FER: variants seen among roughly 807,000 people sequenced by gnomAD.
The protein encoded by FER is tyrosine-protein kinase Fer.
FER carries 63 observed loss-of-function variants against 111.0 expected under a neutral mutation model. The observed-to-expected ratio is 0.57, with a 90% CI of 0.46 to 0.70. The LOEUF (loss-of-function observed/expected upper bound fraction) is 0.70. Ranked by LOEUF, FER falls within the 30% of genes least tolerant of loss-of-function variation. FER has a pLI of 0.00. For synonymous variants in FER, 327 were observed against 313.9 expected, an observed-to-expected ratio of 1.04 and a Z score of -0.44; for missense variants, 914 against 954.0, an observed-to-expected ratio of 0.96 and a Z score of 0.55.
chr5:108,813,032 C>A (rs113452906), intron 3 of FER, among the ~76,000 whole-genome samples: 83 of 152,036 alleles, frequency 5.5e-4, no homozygotes, highest in African/African-American at 1.5e-3. Context: ...TATGTAGATT[C>A]AGGTTTCTAG....
At chr5:108,872,337 A>T (rs1764680531) in intron 8 of FER, 125 bp downstream of exon 8, 1 of 827,282 alleles carries the variant, frequency 1.2e-6, no homozygotes, top group Non-Finnish European at 1.8e-6. Context: ...GGTCAGAGTG[A>T]CATGTTTTGA....
intron 17 of FER, among the ~76,000 whole-genome samples, chr5:109,101,522 C>A (rs182449100): frequency 7.3e-4 from 111 of 152,120 alleles, no homozygotes; most frequent in Non-Finnish European, 1.4e-3. Flanking sequence ...TCCCCATGCT[C>A]ACCCCAAATT....
At position 108,845,055 on chromosome 5, in the gene FER, T is replaced by TAC. The variant is rs1561503469; in HGVS notation, c.481+9249_481+9250insCA. On this transcript the variant is annotated intron_variant, in intron 5 of 19. Coordinates refer to ENST00000281092, the MANE Select transcript of FER (RefSeq NM_005246.4). ...ATATATATATACATATATATATATA[T>TAC]ATATATATATATACACACACACACA... 5.4e-3 allele frequency among the ~76,000 whole-genome samples: 287 copies of TAC among 53,452 alleles called. 3 individuals are homozygous for TAC. Among genetic ancestry groups the TAC allele is most frequent in the African/African-American group, 0.023 (275 of 11,706 alleles). 35.1% of individuals were successfully genotyped at this position (53,452 alleles called of 152,430 possible).
At chr5:108,981,214 CTG>C (rs1420396583) in intron 13 of FER, among the ~76,000 whole-genome samples, 2 of 151,488 alleles carry the variant, frequency 1.3e-5, no homozygotes, top group African/African-American at 2.4e-5. Context: ...TGTTTAATGA[CTG>C]TAGTATTTAA....
At chr5:108,756,735 G>T (rs1438016555) in intron 1 of FER, among the ~76,000 whole-genome samples, 1 of 152,076 alleles carries the variant, frequency 6.6e-6, no homozygotes, top group Non-Finnish European at 1.5e-5. Flanking sequence ...ATATACAATA[G>T]AAAATTTTAC....
At chr5:108,938,070 A>G (rs892949012) in intron 10 of FER, among the ~76,000 whole-genome samples, 1 of 143,592 alleles carries the variant, frequency 7.0e-6, no homozygotes, top group African/African-American at 2.5e-5. Context: ...ACACACACAC[A>G]CGTAAAAACT....
At chr5:108,923,749 G>T (rs7736915) in intron 10 of FER, among the ~76,000 whole-genome samples, 2 of 151,920 alleles carry the variant, frequency 1.3e-5, no homozygotes, top group African/African-American at 4.8e-5. Context: ...AAGTGTAGTA[G>T]GTTTTTGTGG....
intron 10 of FER, among the ~76,000 whole-genome samples, chr5:108,931,799 C>T (rs571782345): frequency 6.6e-5 from 10 of 152,020 alleles, no homozygotes; most frequent in African/African-American, 2.4e-4. Flanking sequence ...CATTGCACTC[C>T]ACCCTAGGCG....
intron 5 of FER, among the ~76,000 whole-genome samples, chr5:108,858,785 T>TC (rs1486352593): frequency 7.2e-6 from 1 of 139,554 alleles, no homozygotes; most frequent in Non-Finnish European, 1.5e-5. Flanking sequence ...TTTTTTTTTT[T>TC]CTGTCCTCAC....
At chr5:108,776,522 A>G (rs1753509354) in intron 2 of FER, among the ~76,000 whole-genome samples, 1 of 152,182 alleles carries the variant, frequency 6.6e-6, no homozygotes, top group Non-Finnish European at 1.5e-5. Context: ...GAAAAACAGG[A>G]GACATTTTAT....
At chr5:108,767,509 C>T (rs543378317) in intron 1 of FER, among the ~76,000 whole-genome samples, 1 of 152,234 alleles carries the variant, frequency 6.6e-6, no homozygotes, top group Middle Eastern at 3.4e-3. Context: ...GTTTTTGAGA[C>T]AGTCTTGCTC....
At chr5:108,848,267 T>A (rs1762218996) in intron 5 of FER, among the ~76,000 whole-genome samples, 2 of 152,214 alleles carry the variant, frequency 1.3e-5, no homozygotes, top group Admixed American at 1.3e-4. Flanking sequence ...TTATCTCTTT[T>A]GTTTCTTGAT....
intron 17 of FER, among the ~76,000 whole-genome samples, chr5:109,163,188 C>CT (rs1232568662): frequency 6.6e-6 from 1 of 152,004 alleles, no homozygotes; most frequent in East Asian, 1.9e-4. Flanking sequence ...ACTTATAATG[C>CT]TTTTCAGATC....
intron 3 of FER, among the ~76,000 whole-genome samples, chr5:108,819,615 G>A (rs902065692): frequency 5.3e-5 from 8 of 152,130 alleles, no homozygotes; most frequent in African/African-American, 1.9e-4. Flanking sequence ...AATAAGTGAA[G>A]CCCCAGTATG....
intron 3 of FER, among the ~76,000 whole-genome samples, chr5:108,819,333 G>C (rs555628380): frequency 4.9e-4 from 74 of 152,136 alleles, no homozygotes; most frequent in Non-Finnish European, 8.7e-4. Flanking sequence ...TGGCTAGGTA[G>C]TTATTCTTAA....
chr5:109,041,424 A>C (rs182967664), intron 14 of FER, among the ~76,000 whole-genome samples: 421 of 152,064 alleles, frequency 2.8e-3, no homozygotes, highest in African/African-American at 9.8e-3. Flanking sequence ...GTTCCTATAA[A>C]GTCAAAGGAC....
chr5:108,819,938 TTG>T, intron 3 of FER: 1 of 985,262 alleles, frequency 1.0e-6, no homozygotes, highest in Non-Finnish European at 1.2e-6. Context: ...AGAGAGGACT[TTG>T]TTTTTTAAAA....
chr5:109,114,373 T>C (rs966375320), intron 17 of FER, among the ~76,000 whole-genome samples: 1 of 152,176 alleles, frequency 6.6e-6, no homozygotes, highest in African/African-American at 2.4e-5. Context: ...AATAATAATA[T>C]TTAATAAAGA....
rs183021690 is a variant in FER at position 109,171,977 on chromosome 5, G to A, written c.2049-8770G>A. On this transcript the variant is annotated intron_variant, in intron 17 of 19. Coordinates refer to ENST00000281092, the MANE Select transcript of FER (RefSeq NM_005246.4). ...TAGAATGGCAATCATTAAAAAGTCA[G>A]GAAACAACAGGTGCTGGAGAGGATG... 7.5e-3 allele frequency among the ~76,000 whole-genome samples: 1,140 copies of A among 152,232 alleles called. 15 individuals are homozygous for A. The highest frequency in any genetic ancestry group is 0.026 in the African/African-American group (1,078 of 41,522).
Sources: allele counts gnomAD v4.1 joint callset (sites outside exome capture counted in the v4.1 genomes callset), GRCh38; gene constraint gnomAD v4.1.1; transcripts MANE v1.5; gene names NCBI Gene and HGNC (gene_info 2026-07-23, HGNC 2026-07-21).